CDH4: variants seen among roughly 807,000 people sequenced by gnomAD.
CDH4 encodes the protein cadherin-4.
In CDH4, 33 loss-of-function variants were observed where a neutral mutation model predicts 86.0. The ratio of observed to expected loss-of-function variants is 0.38; its 90% CI spans 0.29 to 0.51. The LOEUF (loss-of-function observed/expected upper bound fraction) is 0.51, where lower values mean the gene tolerates loss of function less well. Ranked by LOEUF, CDH4 falls within the 20% of genes least tolerant of loss-of-function variation. The probability of loss-of-function intolerance (pLI) is 0.86; values close to 1 mark genes in which losing one functional copy is unlikely to be tolerated. For missense variants in CDH4, 1,114 were observed against 1,307.4 expected (o/e 0.85, Z 2.28); for synonymous variants, 555 against 549.4 (o/e 1.01, Z -0.14).
chr20:61,344,897 G>A (rs116656307), intron 2 of CDH4, among the ~76,000 whole-genome samples: 87 of 152,306 alleles, frequency 5.7e-4, no homozygotes, highest in African/African-American at 1.7e-3. Flanking sequence ...TCGGCTTTGC[G>A]TCCTTTGAAA....
intron 2 of CDH4, among the ~76,000 whole-genome samples, chr20:61,498,269 C>T (rs1248011521): frequency 6.6e-6 from 1 of 151,912 alleles, no homozygotes; most frequent in Non-Finnish European, 1.5e-5. Context: ...ACACACAAGA[C>T]TAGTGAGGTG....
intron 2 of CDH4, among the ~76,000 whole-genome samples, chr20:61,467,165 G>T (rs1285242595): frequency 6.6e-6 from 1 of 152,236 alleles, no homozygotes; most frequent in African/African-American, 2.4e-5. Flanking sequence ...TGGCTTCAGA[G>T]TGGGAGTTTC....
At chr20:61,688,004 C>T (rs1256793222) in intron 2 of CDH4, among the ~76,000 whole-genome samples, 1 of 152,078 alleles carries the variant, frequency 6.6e-6, no homozygotes, top group South Asian at 2.1e-4. Context: ...CATAATAAGT[C>T]GTAAGTGCAG....
rs144256547 is a variant in CDH4 at position 61,254,870 on chromosome 20, G to A, written c.102G>A (p.Gly34=). Reference sequence around the variant, plus strand: ...CAACTAGAGAGACCTGCAAGGCTGGGTTCTCTGAAGATGATTACACGGCAT... The same window carrying A: ...CAACTAGAGAGACCTGCAAGGCTGGATTCTCTGAAGATGATTACACGGCAT... ...DLTTRETCKA[G]FSEDDYTALI... is the part of the protein sequence containing the mutation. Residue 34 remains glycine, a synonymous_variant, in exon 2 of 16, where the codon GGG becomes GGA. Coordinates refer to ENST00000614565, the MANE Select transcript of CDH4 (RefSeq NM_001794.5). The A allele has an allele frequency of 2.7e-5, 43 of 1,613,320 alleles. No homozygotes were observed. In the African/African-American group the frequency reaches 4.1e-4, roughly 16 times the overall value.
At chr20:61,835,447 G>A (rs1327020946) in intron 4 of CDH4, among the ~76,000 whole-genome samples, 6 of 152,216 alleles carry the variant, frequency 3.9e-5, no homozygotes, top group Non-Finnish European at 5.9e-5. Flanking sequence ...CACTGCTAGT[G>A]TAGCCAGGTC....
chr20:61,690,569 C>T (rs989494980), intron 2 of CDH4, among the ~76,000 whole-genome samples: 1 of 152,160 alleles, frequency 6.6e-6, no homozygotes, highest in Non-Finnish European at 1.5e-5. Context: ...GAAGAGCCTC[C>T]TGGAGCAGGT....
chr20:61,788,516 C>T (rs1255077674), intron 4 of CDH4, among the ~76,000 whole-genome samples: 3 of 152,172 alleles, frequency 2.0e-5, no homozygotes, highest in Non-Finnish European at 4.4e-5. Context: ...GGTCAGGAGG[C>T]CCCCAAGTGC....
chr20:61,629,458 A>C (rs1293687168), intron 2 of CDH4, among the ~76,000 whole-genome samples: 1 of 152,142 alleles, frequency 6.6e-6, no homozygotes, highest in East Asian at 1.9e-4. Context: ...CAAGGCAAAA[A>C]TGAGCTGTAA....
At position 61,636,941 on chromosome 20, in the gene CDH4, C is replaced by G. The variant is rs1007532802; in HGVS notation, c.170-106622C>G. On this transcript the variant is annotated intron_variant, in intron 2 of 15. Coordinates refer to ENST00000614565, the MANE Select transcript of CDH4 (RefSeq NM_001794.5). ...ACTCACCTCCCCTGATGGTCCCCTG[C>G]AAAGACTGCAGCAGCCTCTGCCAGT... 9.8e-5 allele frequency among the ~76,000 whole-genome samples: 15 copies of G among 152,318 alleles called. No individual in the cohort carries two copies. In the East Asian group the frequency reaches 2.9e-3, roughly 29 times the overall value.
At chr20:61,304,560 TTGAACTC>T (rs2084404981) in intron 2 of CDH4, among the ~76,000 whole-genome samples, 1 of 151,948 alleles carries the variant, frequency 6.6e-6, no homozygotes, top group Non-Finnish European at 1.5e-5. Flanking sequence ...TTTGTATGTT[TTGAACTC>T]TGAATTGTAC....
intron 2 of CDH4, among the ~76,000 whole-genome samples, chr20:61,352,583 A>C (rs968186989): frequency 6.6e-6 from 1 of 152,194 alleles, no homozygotes; most frequent in Non-Finnish European, 1.5e-5. Context: ...TGGTGGAAAG[A>C]AAACAAAGCT....
chr20:61,419,193 G>A (rs1345402831), intron 2 of CDH4, among the ~76,000 whole-genome samples: 1 of 152,122 alleles, frequency 6.6e-6, no homozygotes, highest in Admixed American at 6.5e-5. Flanking sequence ...GACGTGTCCT[G>A]AGCCCGAGAT....
chr20:61,719,022 AGT>A (rs1210936079), intron 2 of CDH4: 1 of 471,236 alleles, frequency 2.1e-6, no homozygotes, highest in Non-Finnish European at 4.4e-6. Context: ...AGTGGCTCTA[AGT>A]GTGATGAGAG....
intron 2 of CDH4, among the ~76,000 whole-genome samples, chr20:61,576,938 C>T (rs73914887): frequency 0.021 from 3,160 of 152,266 alleles, 78 homozygotes; most frequent in African/African-American, 0.057. Flanking sequence ...AGAAGAATGT[C>T]ATTGCAAGAG....
intron 2 of CDH4, among the ~76,000 whole-genome samples, chr20:61,365,134 A>G (rs983005991): frequency 2.0e-5 from 3 of 152,148 alleles, no homozygotes; most frequent in African/African-American, 4.8e-5. Context: ...TCAGTGCCCA[A>G]CTCTACTGTG....
chr20:61,422,423 T>C (rs1433799060), intron 2 of CDH4, among the ~76,000 whole-genome samples: 5 of 12,360 alleles, frequency 4.0e-4, no homozygotes, highest in Non-Finnish European at 8.4e-4. Context: ...AAACTCCGTC[T>C]CAAAAAAAAA....
chr20:61,562,439 C>T (rs942402503), intron 2 of CDH4, among the ~76,000 whole-genome samples: 4 of 151,856 alleles, frequency 2.6e-5, no homozygotes, highest in Non-Finnish European at 5.9e-5. Context: ...CCAGGACTCC[C>T]GGAGAGAGAG....
chr20:61,733,549 C>G (rs574827844), intron 2 of CDH4, among the ~76,000 whole-genome samples: 53 of 152,216 alleles, frequency 3.5e-4, no homozygotes, highest in African/African-American at 1.2e-3. Flanking sequence ...GGCCGGCTGC[C>G]TCATGGTCTT....
intron 15 of CDH4, 140 bp from the exon 16 acceptor site, chr20:61,936,597 C>T (rs555830020): frequency 5.4e-6 from 3 of 554,908 alleles, no homozygotes; most frequent in Admixed American, 4.2e-5. Context: ...CAGTTAAATG[C>T]AGAGAGCCCT....
Sources: allele counts gnomAD v4.1 joint callset (sites outside exome capture counted in the v4.1 genomes callset), GRCh38; gene constraint gnomAD v4.1.1; transcripts MANE v1.5; gene names NCBI Gene and HGNC (gene_info 2026-07-23, HGNC 2026-07-21).